Variants in PAFAH1B1 observed in about 807,000 individuals in gnomAD.
PAFAH1B1 encodes platelet activating factor acetylhydrolase 1b regulatory subunit 1.
Under a neutral mutation model 57.5 loss-of-function variants are expected in PAFAH1B1, and 2 were observed. The observed-to-expected ratio is 0.03, with a 90% CI of 0.01 to 0.11. PAFAH1B1 has a LOEUF of 0.11. Among genes scored for constraint, PAFAH1B1 ranks in the 10% least tolerant of loss-of-function variants. The pLI, the probability that PAFAH1B1 is intolerant of heterozygous loss-of-function variation, is 1.00. For missense variants in PAFAH1B1, 257 were observed against 512.0 expected, an observed-to-expected ratio of 0.50 and a Z score of 4.81; for synonymous variants, 152 against 169.6, an observed-to-expected ratio of 0.90 and a Z score of 0.81.
At chr17:2,603,648 T>G (rs1317967320) in intron 1 of PAFAH1B1, among the ~76,000 whole-genome samples, 3 of 151,964 alleles carry the variant, frequency 2.0e-5, no homozygotes, top group Non-Finnish European at 1.5e-5. Context: ...TATGTATATA[T>G]GTATACACAC....
intron 1 of PAFAH1B1, among the ~76,000 whole-genome samples, chr17:2,594,468 C>A (rs1300466649): frequency 6.6e-5 from 10 of 152,250 alleles, no homozygotes; most frequent in Non-Finnish European, 1.5e-4. Context: ...GCAGTCCCCA[C>A]CCCACCCTCA....
At position 2,684,946 on chromosome 17, in the gene PAFAH1B1, A is replaced by C. The variant is rs1344534591; in HGVS notation, c.*3144A>C. 1 of 152,198 alleles carries C rather than the reference A, an allele frequency of 6.6e-6. No individual in the cohort carries two copies. Among genetic ancestry groups the C allele is most frequent in the Non-Finnish European group, 1.5e-5 (1 of 68,028 alleles). 9.4% of individuals were successfully genotyped at this position (152,198 alleles called of 1,614,324 possible). A position where few individuals can be genotyped will look rare whatever the true frequency, so the allele number is the denominator to read the frequency against. On this transcript the variant is annotated 3_prime_UTR_variant, in exon 11 of 11. Transcript: ENST00000397195. The stretch of plus-strand genomic sequence containing the variant: ...GTTTTCTTTAAACTTAATTAAAGAA[A>C]AACTATTTAAAGGTAAAGGATATTT...
chr17:2,635,218 C>T (rs913162170), intron 1 of PAFAH1B1, among the ~76,000 whole-genome samples: 42 of 150,942 alleles, frequency 2.8e-4, no homozygotes, highest in African/African-American at 8.8e-4. Flanking sequence ...TAAGACAATA[C>T]GTAGCACATA....
intron 1 of PAFAH1B1, among the ~76,000 whole-genome samples, chr17:2,614,981 G>T (rs2068319265): frequency 6.6e-6 from 1 of 152,156 alleles, no homozygotes; most frequent in Admixed American, 6.6e-5. Flanking sequence ...CCCACTATTT[G>T]TGGCATATGC....
intron 2 of PAFAH1B1, among the ~76,000 whole-genome samples, chr17:2,658,349 G>A (rs986052409): frequency 6.6e-6 from 1 of 152,166 alleles, no homozygotes; most frequent in African/African-American, 2.4e-5. Context: ...AAATAAGGGT[G>A]GAGGCTGAAA....
At chr17:2,618,196 C>T (rs1567530623) in intron 1 of PAFAH1B1, among the ~76,000 whole-genome samples, 1 of 150,870 alleles carries the variant, frequency 6.6e-6, no homozygotes, top group Non-Finnish European at 1.5e-5. Flanking sequence ...TTGCAGTGAG[C>T]CGAGATTGCG....
chr17:2,652,237 C>A (rs536143186), intron 2 of PAFAH1B1, among the ~76,000 whole-genome samples: 64 of 151,616 alleles, frequency 4.2e-4, no homozygotes, highest in Non-Finnish European at 6.9e-4. Flanking sequence ...GGTGAAACCC[C>A]GTCTCTACTA....
chr17:2,626,511 G>T (rs1045031136), intron 1 of PAFAH1B1, among the ~76,000 whole-genome samples: 1 of 139,024 alleles, frequency 7.2e-6, no homozygotes, highest in South Asian at 2.3e-4. Context: ...AATTACTCAG[G>T]TTATAGAGTT....
chr17:2,601,365 C>T (rs2068142071), intron 1 of PAFAH1B1, among the ~76,000 whole-genome samples: 1 of 152,002 alleles, frequency 6.6e-6, no homozygotes, highest in Admixed American at 6.6e-5. Flanking sequence ...GAACTCCTGA[C>T]CTCGTGATCT....
chr17:2,664,981 G>GTATA (rs3029954), intron 2 of PAFAH1B1, among the ~76,000 whole-genome samples: 131,103 of 151,714 alleles, frequency 0.86, 57,514 homozygotes, highest in Non-Finnish European at 0.93. Flanking sequence ...GCCCTTGAGT[G>GTATA]TATAACAAGT....
intron 9 of PAFAH1B1, among the ~76,000 whole-genome samples, chr17:2,676,928 C>T (rs774559371): frequency 1.3e-5 from 2 of 151,984 alleles, no homozygotes; most frequent in East Asian, 1.9e-4. Context: ...TTTGGGAGGC[C>T]GAGGCGGGTG....
intron 10 of PAFAH1B1, 68 bp from the exon 11 acceptor site, chr17:2,681,661 G>C: frequency 8.5e-7 from 1 of 1,178,770 alleles, no homozygotes; most frequent in Non-Finnish European, 1.3e-6. Context: ...TGTAGAGAGG[G>C]GGTCTCACTA....
Position 2,610,848 on chromosome 17 carries a change from A to T in PAFAH1B1, c.-191+16842A>T, listed in dbSNP as rs1310623984. On this transcript the variant is annotated intron_variant, in intron 1 of 10. Transcript: ENST00000397195. ...TAAGTAGTCTTAGTGTGGGAGACCA[A>T]TCACATCACATGAGTCAGTCTGAAA... 2.0e-5 allele frequency among the ~76,000 whole-genome samples: 3 copies of T among 152,206 alleles called. No homozygotes were observed. The South Asian group carries it at 6.2e-4, about 31-fold the overall frequency.
intron 6 of PAFAH1B1, among the ~76,000 whole-genome samples, chr17:2,671,187 C>G (rs148730946): frequency 1.3e-5 from 2 of 151,488 alleles, no homozygotes; most frequent in Non-Finnish European, 2.9e-5. Flanking sequence ...CACGCATGAA[C>G]ACTGTTTTTT....
rs1161187441 is a variant in PAFAH1B1 at position 2,672,652 on chromosome 17, T to C, written c.569-3T>C. The C allele has an allele frequency of 1.3e-6, 2 of 1,593,220 alleles. No individual in the cohort carries two copies. The highest frequency in any genetic ancestry group is 1.3e-5 in the African/African-American group (1 of 74,498). On this transcript the variant is annotated splice_polypyrimidine_tract_variant and splice_region_variant and intron_variant, in intron 6 of 10. Transcript: ENST00000397195. ...CATAATATATTGCTGTTATGTGTTT[T>C]AGGCCATGACCACAATGTTTCTTCA...
upstream of PAFAH1B1, chr17:2,593,619 C>T (rs2068047086): frequency 5.0e-6 from 1 of 200,116 alleles, no homozygotes; most frequent in South Asian, 1.0e-4. Flanking sequence ...GGCGGCGGCG[C>T]GGTGACGTCA....
intron 2 of PAFAH1B1, among the ~76,000 whole-genome samples, chr17:2,661,072 AT>A (rs1338764613): frequency 1.3e-5 from 2 of 151,600 alleles, no homozygotes; most frequent in Non-Finnish European, 2.9e-5. Flanking sequence ...GTCTGTTCAT[AT>A]CCTTTGCCCA....
chr17:2,669,845 C>T (rs532711736), intron 5 of PAFAH1B1, among the ~76,000 whole-genome samples: 1 of 152,112 alleles, frequency 6.6e-6, no homozygotes, highest in East Asian at 1.9e-4. Context: ...TCCTTATTTA[C>T]ATGTCATTCC....
In PAFAH1B1 at chr17:2,614,189, T is replaced by C. The variant is rs2068308513; in HGVS notation, c.-191+20183T>C. ...GACCGCAGGTGTGTGCCACCATTCC[T>C]GGCTAATTTTTAAATTTGTGGTAGA... On this transcript the variant is annotated intron_variant, in intron 1 of 10. Coordinates refer to ENST00000397195, the MANE Select transcript of PAFAH1B1 (RefSeq NM_000430.4). Among the ~76,000 whole-genome samples, 3 of 151,824 alleles carry C rather than the reference T, an allele frequency of 2.0e-5. No homozygotes were observed. The South Asian group carries it at 6.2e-4, about 32-fold the overall frequency.
Sources: gnomAD v4.1 joint callset for allele counts (sites outside exome capture counted in the v4.1 genomes callset) on GRCh38, gnomAD v4.1.1 for gene constraint, MANE v1.5 for transcripts, NCBI Gene and HGNC (gene_info 2026-07-23, HGNC 2026-07-21) for gene names.